EFHC1: variants seen among roughly 807,000 people sequenced by gnomAD.
EFHC1 encodes the protein EF-hand domain containing 1.
Under a neutral mutation model 69.9 loss-of-function variants are expected in EFHC1, and 53 were observed. The observed-to-expected ratio is 0.76, with a 90% CI of 0.61 to 0.95. The LOEUF (loss-of-function observed/expected upper bound fraction) is 0.95, where lower values mean the gene tolerates loss of function less well. Ranked by LOEUF, EFHC1 falls within the 40% of genes least tolerant of loss-of-function variation. EFHC1 has a pLI of 0.00. For synonymous variants in EFHC1, 256 were observed against 278.4 expected, an observed-to-expected ratio of 0.92 and a Z score of 0.80; for missense variants, 739 against 798.7, an observed-to-expected ratio of 0.93 and a Z score of 0.90.
chr6:52,437,572 TGGAG>T (rs944460896), intron 2 of EFHC1: 1 of 152,300 alleles, frequency 6.6e-6, no homozygotes, highest in African/African-American at 2.4e-5. Context: ...TTCTGGAGGT[TGGAG>T]GTCCAAGATC....
At chr6:52,464,753 A>G in intron 5 of EFHC1, 142 bp from the exon 6 acceptor site, 1 of 676,452 alleles carries the variant, frequency 1.5e-6, no homozygotes, top group Non-Finnish European at 2.6e-6. Context: ...TTCTAGTGGG[A>G]ATGTTGGGGA....
At chr6:52,472,156 T>G (rs1349994879) in intron 7 of EFHC1, among the ~76,000 whole-genome samples, 10 of 151,558 alleles carry the variant, frequency 6.6e-5, no homozygotes. Context: ...AAAGTAAAAA[T>G]GAAAGAAAAC....
At chr6:52,449,298 G>T (rs569060278) in intron 3 of EFHC1, among the ~76,000 whole-genome samples, 2 of 151,504 alleles carry the variant, frequency 1.3e-5, no homozygotes, top group Non-Finnish European at 2.9e-5. Flanking sequence ...GGAGAATGGC[G>T]TGAACCCAGG....
intron 2 of EFHC1, among the ~76,000 whole-genome samples, chr6:52,437,273 G>A (rs1048947805): frequency 2.6e-5 from 4 of 152,074 alleles, no homozygotes; most frequent in African/African-American, 4.8e-5. Flanking sequence ...ACCAAAAATC[G>A]CAATCTTATC....
Position 52,493,241 on chromosome 6 carries a change from C to A in EFHC1, c.*900C>A, listed in dbSNP as rs1276655718. 1 of 453,330 alleles carries A rather than the reference C, an allele frequency of 2.2e-6. No individual in the cohort carries two copies. The highest frequency in any genetic ancestry group is 2.4e-5 in the Admixed American group (1 of 42,500). 28.1% of individuals were successfully genotyped at this position (453,330 alleles called of 1,614,324 possible). ...TAAGTCATAGGCCTTTGGATTCAGA[C>A]TGGAATTATACCTTTAGCTCTCCTG... On this transcript the variant is annotated 3_prime_UTR_variant, in exon 11 of 11. Transcript: ENST00000371068.
At chr6:52,473,336 A>G (rs999975043) in intron 7 of EFHC1, among the ~76,000 whole-genome samples, 1 of 152,224 alleles carries the variant, frequency 6.6e-6, no homozygotes, top group Non-Finnish European at 1.5e-5. Context: ...TTTGACCTCC[A>G]TCTCACTCCA....
rs374673608 is a variant in EFHC1, at chr6:52,420,394, C to T, written c.-17C>T. ...GGACGAAGCAGGACCTAGGTGGCGG[C>T]GGTGGTACCGGCTGCAATGGTGTCC... On this transcript the variant is annotated 5_prime_UTR_variant, in exon 1 of 11. Transcript: ENST00000371068. 2 of 1,614,094 alleles carry T rather than the reference C, an allele frequency of 1.2e-6. No homozygotes were observed. Among genetic ancestry groups the T allele is most frequent in the African/African-American group, 2.7e-5 (2 of 74,934 alleles).
chr6:52,478,401 T>A (rs1765591037), intron 7 of EFHC1, among the ~76,000 whole-genome samples: 2 of 152,154 alleles, frequency 1.3e-5, no homozygotes, highest in South Asian at 4.2e-4. Context: ...AATGTGCACA[T>A]GTACCCTAAA....
In EFHC1 at chr6:52,492,470, C is replaced by A. The variant is rs768312457; in HGVS notation, c.*129C>A. On this transcript the variant is annotated 3_prime_UTR_variant, in exon 11 of 11. Transcript: ENST00000371068. ...TTTCTGTTTTGGTTCTTCTTTCACT[C>A]CTACTGAAGTCGAAACTAAATTGGA... The A allele has an allele frequency of 1.1e-6, 1 of 924,416 alleles. No individual in the cohort carries two copies. Among genetic ancestry groups the A allele is most frequent in the South Asian group, 1.4e-5 (1 of 71,932 alleles). The allele number at this position is 924,416 out of a possible 1,614,324, so 57.3% of individuals were successfully genotyped here.
At chr6:52,482,508 T>C (rs760017932) in intron 9 of EFHC1, 83 of 318,432 alleles carry the variant, frequency 2.6e-4, no homozygotes, top group Non-Finnish European at 3.3e-4. Flanking sequence ...TTATCAAAAG[T>C]GGTTTGAGCA....
intron 3 of EFHC1, among the ~76,000 whole-genome samples, chr6:52,445,691 G>A (rs1007944874): frequency 6.6e-6 from 1 of 152,084 alleles, no homozygotes; most frequent in African/African-American, 2.4e-5. Flanking sequence ...TCTCTTGTGG[G>A]CATTTAGTGC....
Position 52,495,856 on chromosome 6 carries a change from G to A in EFHC1, c.*3515G>A, listed in dbSNP as rs1766045260. 3 of 341,576 alleles carry A rather than the reference G, an allele frequency of 8.8e-6. No individual in the cohort carries two copies. 21.2% of individuals were successfully genotyped at this position (341,576 alleles called of 1,614,324 possible). On this transcript the variant is annotated 3_prime_UTR_variant, in exon 11 of 11. Transcript: ENST00000371068. ...AAGACTGAGAAGCTGAGATCTGACA[G>A]CACCAACACAAGGTATAAAAGAGAT...
intron 7 of EFHC1, among the ~76,000 whole-genome samples, chr6:52,472,872 C>T (rs1378046907): frequency 1.3e-5 from 2 of 151,898 alleles, no homozygotes; most frequent in African/African-American, 4.8e-5. Context: ...AAATATGTAA[C>T]ACCTAAAATA....
chr6:52,479,065 G>T lies in EFHC1; in HGVS notation c.1307G>T (p.Arg436Leu). ...LESPIPEDKD[R>L]RFVFSYFLAT... is the part of the protein sequence containing the mutation. ...TCCCCCATCCCAGAAGACAAAGACC[G>T]CAGATTTGTCTTCTCTTACTTTCTA... Residue 436 changes from arginine to leucine, a missense_variant, in exon 8 of 11, where the codon CGC becomes CTC. Transcript: ENST00000371068. 6.2e-7 allele frequency: 1 copy of T among 1,613,918 alleles called. No individual in the cohort carries two copies. Among genetic ancestry groups the T allele is most frequent in the Non-Finnish European group, 8.5e-7 (1 of 1,179,948 alleles).
chr6:52,449,112 G>A (rs934571129), intron 3 of EFHC1, among the ~76,000 whole-genome samples: 7 of 152,140 alleles, frequency 4.6e-5, no homozygotes, highest in South Asian at 2.1e-4. Flanking sequence ...GGCTGGGTGC[G>A]GTGGCTCACG....
rs1298746859 is a variant in EFHC1 at position 52,495,400 on chromosome 6, C to T, written c.*3059C>T. 4.4e-6 allele frequency: 2 copies of T among 454,012 alleles called. No homozygotes were observed. Among genetic ancestry groups the T allele is most frequent in the Non-Finnish European group, 4.4e-6 (1 of 226,806 alleles). 28.1% of individuals were successfully genotyped at this position (454,012 alleles called of 1,614,324 possible). A position where few individuals can be genotyped will look rare whatever the true frequency, so the allele number is the denominator to read the frequency against. ...TTGCACTTTCTGATATTTTCTCCAT[C>T]ACTCTTGCCTCCTGTGGTAGAGGAG... On this transcript the variant is annotated 3_prime_UTR_variant, in exon 11 of 11. Coordinates refer to ENST00000371068, the MANE Select transcript of EFHC1 (RefSeq NM_018100.4).
At chr6:52,490,429 A>G in intron 10 of EFHC1, 79 bp downstream of exon 10, 1 of 1,248,438 alleles carries the variant, frequency 8.0e-7, no homozygotes, top group Admixed American at 1.7e-5. Flanking sequence ...TTGTGTGTGT[A>G]TTTCACTACA....
intron 5 of EFHC1, among the ~76,000 whole-genome samples, chr6:52,459,770 G>T: frequency 6.6e-6 from 1 of 152,122 alleles, no homozygotes; most frequent in East Asian, 1.9e-4. Flanking sequence ...CGCCTCCCAG[G>T]TTCACACCAT....
At chr6:52,460,727 GA>G (rs1291707138) in intron 5 of EFHC1, among the ~76,000 whole-genome samples, 1 of 152,054 alleles carries the variant, frequency 6.6e-6, no homozygotes, top group East Asian at 1.9e-4. Context: ...AGAGTGCTGA[GA>G]AAAAAATAAG....
Sources: allele counts gnomAD v4.1 joint callset (sites outside exome capture counted in the v4.1 genomes callset), GRCh38; gene constraint gnomAD v4.1.1; transcripts MANE v1.5; gene names NCBI Gene and HGNC (gene_info 2026-07-23, HGNC 2026-07-21).